Variants in SLC30A10 observed in about 807,000 individuals in gnomAD.
The protein encoded by SLC30A10 is calcium/manganese antiporter SLC30A10.
In SLC30A10, 8 loss-of-function variants were observed where a neutral mutation model predicts 21.7. The ratio of observed to expected loss-of-function variants is 0.37; its 90% confidence interval spans 0.22 to 0.67. The LOEUF (loss-of-function observed/expected upper bound fraction) is 0.67. SLC30A10 is among the 30% of genes least tolerant of loss of function. The probability of loss-of-function intolerance (pLI) is 0.58; values close to 1 mark genes in which losing one functional copy is unlikely to be tolerated. For missense variants in SLC30A10, 521 were observed against 642.5 expected (o/e 0.81, Z 2.04); for synonymous variants, 272 against 279.4 (o/e 0.97, Z 0.26).
At chr1:219,956,111 G>A (rs1246844614) in intron 1 of SLC30A10, among the ~76,000 whole-genome samples, 1 of 152,140 alleles carries the variant, frequency 6.6e-6, no homozygotes, top group African/African-American at 2.4e-5. Context: ...ATGCTAACAA[G>A]CCAAACAGCT....
Position 219,918,105 on chromosome 1 carries a change from C to G in SLC30A10, c.958+150G>C. Reference sequence around the variant, plus strand: ...CTTGGAGCTGAGTCATCTTAATAGGCTATAAAACATATGATGACATCTCTA... The same window carrying G: ...CTTGGAGCTGAGTCATCTTAATAGGGTATAAAACATATGATGACATCTCTA... On this transcript the variant is annotated intron_variant, in intron 3 of 3. Coordinates refer to ENST00000366926, the MANE Select transcript of SLC30A10 (RefSeq NM_018713.3). This position sits in a 1 kb window ranked among gnomAD's most constrained non-coding sequence, Gnocchi z 4.4. The G allele has an allele frequency of 9.5e-7, 1 of 1,055,686 alleles. No individual in the cohort carries two copies. The allele number at this position is 1,055,686 out of a possible 1,614,324, so 65.4% of individuals were successfully genotyped here. A position where few individuals can be genotyped will look rare whatever the true frequency, so the allele number is the denominator to read the frequency against.
chr1:219,926,534 C>T (rs1252757879), intron 2 of SLC30A10, among the ~76,000 whole-genome samples: 1 of 152,204 alleles, frequency 6.6e-6, no homozygotes, highest in Non-Finnish European at 1.5e-5. Context: ...CTCACCAGAA[C>T]ACTCCCTTTG....
chr1:219,943,991 T>C (rs902457008), intron 1 of SLC30A10, among the ~76,000 whole-genome samples: 7 of 150,406 alleles, frequency 4.7e-5, no homozygotes, highest in Non-Finnish European at 7.4e-5. Context: ...TCCCAGCTAC[T>C]CTGGAAGCTG....
rs1395208301 is a variant in SLC30A10, at chr1:219,927,827, C to T, written c.614G>A (p.Gly205Glu). The T allele has an allele frequency of 2.6e-6, 4 of 1,548,086 alleles. No individual in the cohort carries two copies. In the East Asian group the frequency reaches 1.0e-4, roughly 39 times the overall value. The change falls in exon 1 of 4, where the codon GGG (glycine) becomes GAG (glutamate). Residue 205 changes from glycine to glutamate, a missense_variant. Transcript: ENST00000366926. ...TGCTACGTTTGCGAACACGGTCGCC[C>T]CCTTCTCCCGCTTCCTTTCCACCGA... ...GTSVERKREK[G>E]ATVFANVAGD...
In SLC30A10 at chr1:219,915,485, C is replaced by T. The variant is rs1238514914; in HGVS notation, c.1422G>A (p.Gln474=). The T allele has an allele frequency of 6.2e-7, 1 of 1,614,224 alleles. No individual in the cohort carries two copies. Among genetic ancestry groups the T allele is most frequent in the Non-Finnish European group, 8.5e-7 (1 of 1,180,034 alleles). ...TTCTGTTGACATAACATTGGTCCTCCTGAGTTTTGTTAAGACTTTGTCCGT... is the reference window on the plus strand; with the variant it reads ...TTCTGTTGACATAACATTGGTCCTCTTGAGTTTTGTTAAGACTTTGTCCGT... ...SDHGQSLNKT[Q]EDQCYVNRTH... Residue 474 remains glutamine, a synonymous_variant, in exon 4 of 4, where the codon CAG becomes CAA. Transcript: ENST00000366926.
intron 1 of SLC30A10, among the ~76,000 whole-genome samples, chr1:219,949,772 A>G (rs1045466049): frequency 6.6e-6 from 1 of 151,566 alleles, no homozygotes; most frequent in Admixed American, 6.6e-5. Flanking sequence ...AAAATAAAAT[A>G]AAAATAAAAA....
intron 1 of SLC30A10, among the ~76,000 whole-genome samples, chr1:219,957,123 AG>A (rs1279154079): frequency 5.9e-5 from 9 of 152,210 alleles, no homozygotes; most frequent in Admixed American, 5.2e-4. Flanking sequence ...GTGTAGCCAT[AG>A]CATAGGGTCT....
intron 1 of SLC30A10, among the ~76,000 whole-genome samples, chr1:219,946,940 A>T (rs183721225): frequency 3.0e-4 from 46 of 152,282 alleles, no homozygotes; most frequent in African/African-American, 1.0e-3. Flanking sequence ...AAGTCCCAAC[A>T]ATGTGCTCAA....
chr1:219,946,093 A>C (rs1571812134), intron 1 of SLC30A10, among the ~76,000 whole-genome samples: 1 of 152,224 alleles, frequency 6.6e-6, no homozygotes, highest in East Asian at 1.9e-4. Context: ...AAGATATTTA[A>C]TTTTGAAATT....
chr1:219,930,321 TAAAA>T (rs916272089), upstream of SLC30A10, among the ~76,000 whole-genome samples: 8 of 151,446 alleles, frequency 5.3e-5, no homozygotes, highest in African/African-American at 1.9e-4. Context: ...AAAATAAAAA[TAAAA>T]AAAATTAGCC....
chr1:219,930,236 C>T (rs1659948153), upstream of SLC30A10, among the ~76,000 whole-genome samples: 1 of 150,576 alleles, frequency 6.6e-6, no homozygotes, highest in Non-Finnish European at 1.5e-5. Flanking sequence ...TTTTGGAAGA[C>T]CGAGGTGGGA....
At chr1:219,926,636 A>T (rs1234180488) in intron 2 of SLC30A10, among the ~76,000 whole-genome samples, 2 of 152,234 alleles carry the variant, frequency 1.3e-5, no homozygotes, top group African/African-American at 4.8e-5. Context: ...TCACTCAGCA[A>T]TGCGAGATAG....
chr1:219,915,326 T>C lies in SLC30A10; in HGVS notation c.*123A>G. ...AAAATCCCAAACAGCCAACCCCTAG[T>C]GAACACAGAGCATGCATGCTGCAAG... On this transcript the variant is annotated 3_prime_UTR_variant, in exon 4 of 4. Transcript: ENST00000366926. 1 of 1,254,262 alleles carries C rather than the reference T, an allele frequency of 8.0e-7. No homozygotes were observed. The highest frequency in any genetic ancestry group is 1.1e-6 in the Non-Finnish European group (1 of 895,808). The allele number at this position is 1,254,262 out of a possible 1,614,324, so 77.7% of individuals were successfully genotyped here.
intron 1 of SLC30A10, among the ~76,000 whole-genome samples, chr1:219,952,512 G>C (rs1660284156): frequency 1.3e-5 from 2 of 152,144 alleles, no homozygotes; most frequent in South Asian, 2.1e-4. Flanking sequence ...CTTTAATTAA[G>C]GGCCTGGACT....
At chr1:219,931,605 C>T (rs1164234319), upstream of SLC30A10, among the ~76,000 whole-genome samples, 8 of 152,054 alleles carry the variant, frequency 5.3e-5, no homozygotes, top group African/African-American at 1.7e-4. Flanking sequence ...CTCAGCCTCC[C>T]GAGTAGCTGG....
At chr1:219,927,273 T>C (rs1390823208) in intron 1 of SLC30A10, 168 bp from the exon 2 acceptor site, 3 of 655,834 alleles carry the variant, frequency 4.6e-6, no homozygotes, top group Middle Eastern at 4.2e-4. Context: ...TGAAATAGCC[T>C]TGTGATCCAC....
At chr1:219,958,847 C>A (rs1024623674), upstream of SLC30A10, among the ~76,000 whole-genome samples, 11 of 152,188 alleles carry the variant, frequency 7.2e-5, no homozygotes, top group Admixed American at 6.5e-4. Flanking sequence ...CTGGCCCTTA[C>A]ACCAAAAAAA....
In SLC30A10 at chr1:219,915,106, A is replaced by G. The variant is rs1210823522; in HGVS notation, c.*343T>C. Reference sequence around the variant, plus strand: ...TAGCTAGAAGTTCTAATCAGTTTAGAAACAAGAACTTCTTTGAACACTGTA... The same window carrying G: ...TAGCTAGAAGTTCTAATCAGTTTAGGAACAAGAACTTCTTTGAACACTGTA... On this transcript the variant is annotated 3_prime_UTR_variant, in exon 4 of 4. Transcript: ENST00000366926. 1 of 245,468 alleles carries G rather than the reference A, an allele frequency of 4.1e-6. No individual in the cohort carries two copies. Among genetic ancestry groups the G allele is most frequent in the Non-Finnish European group, 7.9e-6 (1 of 126,494 alleles). The allele number at this position is 245,468 out of a possible 1,614,324, so 15.2% of individuals were successfully genotyped here.
intron 1 of SLC30A10, among the ~76,000 whole-genome samples, chr1:219,934,497 G>T (rs1660021147): frequency 6.6e-6 from 1 of 151,848 alleles, no homozygotes; most frequent in Non-Finnish European, 1.5e-5. Context: ...TAGTTTGAAA[G>T]ACAATAGTTC....
Sources: allele counts gnomAD v4.1 joint callset (sites outside exome capture counted in the v4.1 genomes callset), GRCh38; gene constraint gnomAD v4.1.1; non-coding constraint Gnocchi (gnomAD v3.1); transcripts MANE v1.5; gene names NCBI Gene and HGNC (gene_info 2026-07-23, HGNC 2026-07-21).